Variants in SAMD4B observed in about 807,000 individuals in gnomAD.
The protein encoded by SAMD4B is protein Smaug homolog 2.
SAMD4B carries 5 observed loss-of-function variants against 74.5 expected under a neutral mutation model. The ratio of observed to expected loss-of-function variants is 0.07; its 90% confidence interval spans 0.04 to 0.14. The LOEUF (loss-of-function observed/expected upper bound fraction) is 0.14. Among genes scored for constraint, SAMD4B ranks in the 10% least tolerant of loss-of-function variants. The pLI is 1.00. For synonymous variants in SAMD4B, 373 were observed against 374.9 expected, an observed-to-expected ratio of 1.00 and a Z score of 0.06; for missense variants, 608 against 921.8, an observed-to-expected ratio of 0.66 and a Z score of 4.41.
At chr19:39,372,018 C>T (rs1033740454) in intron 4 of SAMD4B, among the ~76,000 whole-genome samples, 1 of 152,166 alleles carries the variant, frequency 6.6e-6, no homozygotes, top group Non-Finnish European at 1.5e-5. Context: ...AGGGGTCACC[C>T]AGGCAGGGTG....
chr19:39,355,341 A>C (rs538072846), intron 2 of SAMD4B, among the ~76,000 whole-genome samples: 28 of 152,306 alleles, frequency 1.8e-4, no homozygotes, highest in Admixed American at 3.9e-4. Flanking sequence ...AGGGATTGGC[A>C]ACCAGGCCAG....
intron 1 of SAMD4B, chr19:39,351,584 A>G (rs2076043837): frequency 1.3e-5 from 2 of 152,298 alleles, no homozygotes; most frequent in South Asian, 2.1e-4. Flanking sequence ...TTATTCATCT[A>G]TGTAACTGAA....
intron 3 of SAMD4B, among the ~76,000 whole-genome samples, chr19:39,368,371 A>T (rs763503867): frequency 6.6e-6 from 1 of 152,150 alleles, no homozygotes; most frequent in African/African-American, 2.4e-5. Context: ...ACAAAAGAGA[A>T]TTTGTATAGG....
downstream of SAMD4B, chr19:39,386,310 T>C: frequency 6.2e-7 from 1 of 1,614,172 alleles, no homozygotes; most frequent in Non-Finnish European, 8.5e-7. This position sits in a 1 kb window ranked among gnomAD's most constrained non-coding sequence, Gnocchi z 6.1. Context: ...ACTGGCCTCG[T>C]CCCTGTCACC....
At chr19:39,388,031 C>T (rs979099544), downstream of SAMD4B, among the ~76,000 whole-genome samples, 1 of 152,178 alleles carries the variant, frequency 6.6e-6, no homozygotes. Context: ...ATGCCAGCTA[C>T]TCAGGAGGCT....
chr19:39,365,671 A>C (rs2076921703), intron 3 of SAMD4B, among the ~76,000 whole-genome samples: 1 of 152,254 alleles, frequency 6.6e-6, no homozygotes, highest in Non-Finnish European at 1.5e-5. Flanking sequence ...TCTCACCTGC[A>C]AGATGAGCAC....
chr19:39,389,814 A>T, downstream of SAMD4B: 1 of 1,611,594 alleles, frequency 6.2e-7, no homozygotes. This position sits in a 1 kb window ranked among gnomAD's most constrained non-coding sequence, Gnocchi z 5.3. Flanking sequence ...CACCCCTCAC[A>T]GCCCTGCTTC....
intron 1 of SAMD4B, among the ~76,000 whole-genome samples, chr19:39,348,576 A>T (rs536822950): frequency 2.0e-5 from 3 of 152,226 alleles, no homozygotes; most frequent in Non-Finnish European, 4.4e-5. Flanking sequence ...AAGCCAGATT[A>T]CTTGCAGCCT....
At chr19:39,365,480 A>G (rs1310637453) in intron 3 of SAMD4B, among the ~76,000 whole-genome samples, 2 of 151,982 alleles carry the variant, frequency 1.3e-5, no homozygotes, top group Non-Finnish European at 2.9e-5. Context: ...GCTTGAATCC[A>G]GGAGGTGGAG....
At position 39,383,605 on chromosome 19, in the gene SAMD4B, C is replaced by T. The variant is rs2145903229; in HGVS notation, c.*78C>T. The T allele has an allele frequency of 1.2e-6, 2 of 1,613,866 alleles. No homozygotes were observed. On this transcript the variant is annotated 3_prime_UTR_variant, in exon 14 of 14. Coordinates refer to ENST00000610417, the MANE Select transcript of SAMD4B (RefSeq NM_001384574.2). The surrounding 1 kb of genome is among the most constrained non-coding windows in gnomAD (Gnocchi z 4.1). ...CAACCCCCAACGGGCTTCTCCGCGA[C>T]AGCGAGAGGGTGGGCTGGCTCAGCT...
chr19:39,363,888 G>A (rs1182010799), intron 3 of SAMD4B, among the ~76,000 whole-genome samples: 2 of 152,194 alleles, frequency 1.3e-5, no homozygotes, highest in African/African-American at 4.8e-5. Flanking sequence ...TCTGGGCCAG[G>A]CTTTTTCTGA....
At chr19:39,371,688 A>T (rs1175146811) in intron 4 of SAMD4B, among the ~76,000 whole-genome samples, 1 of 151,998 alleles carries the variant, frequency 6.6e-6, no homozygotes, top group Non-Finnish European at 1.5e-5. Context: ...ATGGTGGTGC[A>T]TGCCTATAAT....
chr19:39,363,973 A>AGGCT (rs1368709463), intron 3 of SAMD4B, among the ~76,000 whole-genome samples: 8 of 152,234 alleles, frequency 5.3e-5, no homozygotes, highest in Non-Finnish European at 8.8e-5. Flanking sequence ...AAGGGGCCTG[A>AGGCT]GGCTGCACAA....
intron 4 of SAMD4B, among the ~76,000 whole-genome samples, chr19:39,373,377 C>T (rs1383276270): frequency 1.3e-5 from 2 of 152,160 alleles, no homozygotes; most frequent in Non-Finnish European, 2.9e-5. Flanking sequence ...GTGTCATGCC[C>T]TGTGCCTGAT....
At chr19:39,369,269 G>A (rs371445845) in intron 3 of SAMD4B, 2 of 277,084 alleles carry the variant, frequency 7.2e-6, no homozygotes, top group Admixed American at 1.0e-4. Flanking sequence ...TCTGCACTAA[G>A]TGTGGCCCCA....
downstream of SAMD4B, chr19:39,389,620 C>T (rs2078328822): frequency 3.7e-6 from 6 of 1,614,110 alleles, no homozygotes; most frequent in Non-Finnish European, 4.2e-6. The surrounding 1 kb of genome is among the most constrained non-coding windows in gnomAD (Gnocchi z 5.3). Flanking sequence ...AGAGCAGACC[C>T]TCCCTGTCTC....
rs754076279 is a variant in SAMD4B at position 39,369,650 on chromosome 19, T to G, written c.197-5T>G. On this transcript the variant is annotated splice_region_variant and splice_polypyrimidine_tract_variant and intron_variant, in intron 3 of 13. Transcript: ENST00000610417. ...TCCTGATATTTCTTCTTATCCCTTC[T>G]GTAGCCATCGTCAGCCAGTGGCAGC... 5 of 1,613,228 alleles carry G rather than the reference T, an allele frequency of 3.1e-6. No individual in the cohort carries two copies. Among genetic ancestry groups the G allele is most frequent in the Non-Finnish European group, 4.2e-6 (5 of 1,179,450 alleles).
At chr19:39,374,094 C>T (rs1413118700) in intron 4 of SAMD4B, among the ~76,000 whole-genome samples, 1 of 151,968 alleles carries the variant, frequency 6.6e-6, no homozygotes, top group East Asian at 1.9e-4. Context: ...ATAGTGAAAC[C>T]CTGTCTCTAC....
rs371533253 is a variant in SAMD4B at position 39,383,574 on chromosome 19, G to A, written c.*47G>A. ...CCCATAGGCTCCCTGGGCGGCGGGCGGGGGCCAACCCCCAACGGGCTTCTC... is the reference window on the plus strand; with the variant it reads ...CCCATAGGCTCCCTGGGCGGCGGGCAGGGGCCAACCCCCAACGGGCTTCTC... On this transcript the variant is annotated 3_prime_UTR_variant, in exon 14 of 14. Transcript: ENST00000610417. This position sits in a 1 kb window ranked among gnomAD's most constrained non-coding sequence, Gnocchi z 4.1. The A allele has an allele frequency of 1.7e-5, 28 of 1,614,130 alleles. No individual in the cohort carries two copies. The highest frequency in any genetic ancestry group is 1.7e-4 in the Middle Eastern group (1 of 6,060).
Sources: gnomAD v4.1 joint callset for allele counts (sites outside exome capture counted in the v4.1 genomes callset) on GRCh38, gnomAD v4.1.1 for gene constraint, Gnocchi (gnomAD v3.1) non-coding constraint, MANE v1.5 for transcripts, NCBI Gene and HGNC (gene_info 2026-07-23, HGNC 2026-07-21) for gene names.